The following PRIM2 variants were observed in gnomAD, a reference collection of about 807,000 sequenced individuals.
PRIM2 encodes DNA primase subunit 2, also known as DNA primase large subunit.
A neutral mutation model predicts 67.3 loss-of-function variants in PRIM2; 39 were observed. That is an observed-to-expected ratio of 0.58 (90% confidence interval 0.45 to 0.76). The LOEUF (loss-of-function observed/expected upper bound fraction) is 0.76. PRIM2 is among the 30% of genes least tolerant of loss of function. The pLI, the probability that PRIM2 is intolerant of heterozygous loss-of-function variation, is 0.00. For synonymous variants in PRIM2, 143 were observed against 198.7 expected (o/e 0.72, Z 2.36); for missense variants, 398 against 598.7 (o/e 0.66, Z 3.50).
intron 10 of PRIM2, among the ~76,000 whole-genome samples, chr6:57,537,846 T>C (rs1309813681): frequency 6.6e-6 from 1 of 152,198 alleles, no homozygotes. Context: ...ATACTGCCAG[T>C]AGTAATTATA....
intron 13 of PRIM2, among the ~76,000 whole-genome samples, chr6:57,640,415 G>C (rs1777209674): frequency 6.6e-6 from 1 of 152,042 alleles, no homozygotes. Context: ...AGAAATAAAG[G>C]GTATTCAAAT....
intron 5 of PRIM2, among the ~76,000 whole-genome samples, chr6:57,354,279 T>C (rs950968558): frequency 3.3e-5 from 5 of 151,798 alleles, no homozygotes. Flanking sequence ...TTGAATCTAG[T>C]TTGGGTAAAG....
At chr6:57,481,093 T>G (rs1330129718) in intron 7 of PRIM2, among the ~76,000 whole-genome samples, 19 of 152,236 alleles carry the variant, frequency 1.2e-4, no homozygotes, top group Admixed American at 2.6e-4. Flanking sequence ...CATCTTACAT[T>G]AACTATATTA....
chr6:57,397,849 T>C (rs1404349999), intron 7 of PRIM2, among the ~76,000 whole-genome samples: 1 of 151,820 alleles, frequency 6.6e-6, no homozygotes, highest in Non-Finnish European at 1.5e-5. Flanking sequence ...TAGGCTTCTC[T>C]AATTCTTTCA....
intron 8 of PRIM2, among the ~76,000 whole-genome samples, chr6:57,520,672 A>T (rs1774593174): frequency 6.6e-6 from 1 of 152,214 alleles, no homozygotes; most frequent in Non-Finnish European, 1.5e-5. Context: ...ATTTATACAC[A>T]AAAAATCCAC....
At chr6:57,287,308 C>T in the PRIM2 span, among the ~76,000 whole-genome samples, 235 of 152,272 alleles carry the variant, frequency 1.5e-3, 2 homozygotes, top group Middle Eastern at 3.4e-3. Flanking sequence ...CACATGCACA[C>T]GTATGTTTAT....
chr6:57,397,896 AT>A (rs35064816), intron 7 of PRIM2, among the ~76,000 whole-genome samples: 326 of 118,772 alleles, frequency 2.7e-3, no homozygotes, highest in East Asian at 0.021. Flanking sequence ...GATCTTTCTA[AT>A]TTTTTTTTTT....
At chr6:57,298,082 T>A in the PRIM2 span, among the ~76,000 whole-genome samples, 1 of 152,116 alleles carries the variant, frequency 6.6e-6, no homozygotes, top group Non-Finnish European at 1.5e-5. Flanking sequence ...AGACATTTGG[T>A]CTGGTGCCGT....
In PRIM2 at chr6:57,387,370, A is replaced by G. The variant is rs1434152844; in HGVS notation, c.693+5202A>G. 4.6e-5 allele frequency among the ~76,000 whole-genome samples: 7 copies of G among 152,280 alleles called. 1 individual carries two copies. The highest frequency in any genetic ancestry group is 3.4e-3 in the Middle Eastern group (1 of 294). On this transcript the variant is annotated intron_variant, in intron 7 of 13. Coordinates refer to ENST00000615550, the MANE Select transcript of PRIM2 (RefSeq NM_000947.5). Reference sequence around the variant, plus strand: ...GTTTATACATACTGTTAATCCCACTATAAGTCACTGAGAGAGAAAGGGGTT... The same window carrying G: ...GTTTATACATACTGTTAATCCCACTGTAAGTCACTGAGAGAGAAAGGGGTT...
At chr6:57,501,878 G>C (rs1268994359) in intron 7 of PRIM2, among the ~76,000 whole-genome samples, 83 of 152,266 alleles carry the variant, frequency 5.5e-4, no homozygotes, top group African/African-American at 2.0e-3. Flanking sequence ...AGCAGTCTCA[G>C]TCTTGGCTGG....
chr6:57,270,695 T>G, the PRIM2 span, among the ~76,000 whole-genome samples: 5 of 152,174 alleles, frequency 3.3e-5, no homozygotes, highest in Non-Finnish European at 7.3e-5. Context: ...AGGGCATCCC[T>G]GTCTTGTGCC....
At chr6:57,264,758 A>G in the PRIM2 span, among the ~76,000 whole-genome samples, 1 of 151,908 alleles carries the variant, frequency 6.6e-6, no homozygotes, top group Non-Finnish European at 1.5e-5. Flanking sequence ...CACCAAGCCC[A>G]GTTAATTTTT....
chr6:57,406,843 G>GA (rs1293215561), intron 7 of PRIM2, among the ~76,000 whole-genome samples: 10 of 152,100 alleles, frequency 6.6e-5, no homozygotes, highest in African/African-American at 2.4e-4. Context: ...AAATATCATG[G>GA]AAAGTACTTA....
the PRIM2 span, among the ~76,000 whole-genome samples, chr6:57,262,149 G>A: frequency 6.6e-6 from 1 of 152,120 alleles, no homozygotes; most frequent in African/African-American, 2.4e-5. Context: ...AGACAGACAT[G>A]GTTTTATTTC....
intron 13 of PRIM2, among the ~76,000 whole-genome samples, chr6:57,637,054 G>A (rs1384870174): frequency 3.9e-5 from 6 of 152,188 alleles, no homozygotes; most frequent in Non-Finnish European, 8.8e-5. Context: ...GCTTCCAGAG[G>A]AAGGAACAGG....
At chr6:57,583,942 T>C (rs1269075658) in intron 10 of PRIM2, among the ~76,000 whole-genome samples, 1 of 152,300 alleles carries the variant, frequency 6.6e-6, no homozygotes, top group Admixed American at 6.5e-5. Flanking sequence ...TTGCATACCT[T>C]ACAGTTAGTG....
At chr6:57,575,927 C>T (rs1168221472) in intron 10 of PRIM2, among the ~76,000 whole-genome samples, 4 of 151,968 alleles carry the variant, frequency 2.6e-5, no homozygotes, top group East Asian at 1.9e-4. Context: ...TACAAGCAAA[C>T]GCCACCACCC....
At chr6:57,462,537 T>C (rs1773041829) in intron 7 of PRIM2, among the ~76,000 whole-genome samples, 2 of 152,208 alleles carry the variant, frequency 1.3e-5, no homozygotes, top group Admixed American at 6.5e-5. Flanking sequence ...ACCATGATAT[T>C]GGATTTGGTC....
rs769852305 is a variant in PRIM2 at position 57,382,129 on chromosome 6, C to A, written c.654C>A (p.Ile218=). Residue 218 remains isoleucine (I), a synonymous_variant, in exon 7 of 14, where the codon ATC becomes ATA. Coordinates refer to ENST00000615550, the MANE Select transcript of PRIM2 (RefSeq NM_000947.5). ...CACTTAAGGACATTGTGGCAATCAT[C>A]CTGAATGAATTTAGAGCCAAACTGT... The part of the protein sequence containing the change: ...YVPLKDIVAI[I]LNEFRAKLSK... 1 of 1,613,274 alleles carries A rather than the reference C, an allele frequency of 6.2e-7. No individual in the cohort carries two copies. Among genetic ancestry groups the A allele is most frequent in the East Asian group, 2.2e-5 (1 of 44,832 alleles).
Sources: allele counts gnomAD v4.1 joint callset (sites outside exome capture counted in the v4.1 genomes callset), GRCh38; gene constraint gnomAD v4.1.1; transcripts MANE v1.5; gene names NCBI Gene and HGNC (gene_info 2026-07-23, HGNC 2026-07-21).